Variants in GOLM2 observed in about 807,000 individuals in gnomAD.
GOLM2 encodes the protein protein GOLM2.
In GOLM2, 26 loss-of-function variants were observed where a neutral mutation model predicts 55.9. The ratio of observed to expected loss-of-function variants is 0.47; its 90% CI spans 0.34 to 0.65. GOLM2 has a LOEUF of 0.65. GOLM2 is among the 30% of genes least tolerant of loss of function. GOLM2 has a pLI of 0.01. For missense variants in GOLM2, 486 were observed against 531.8 expected (o/e 0.91, Z 0.85); for synonymous variants, 165 against 194.6 (o/e 0.85, Z 1.27).
At chr15:44,392,749 G>T (rs1355781978) in intron 8 of GOLM2, among the ~76,000 whole-genome samples, 1 of 152,070 alleles carries the variant, frequency 6.6e-6, no homozygotes, top group African/African-American at 2.4e-5. Flanking sequence ...TTTGAAAAGC[G>T]ATCTATGTAA....
intron 8 of GOLM2, among the ~76,000 whole-genome samples, chr15:44,391,413 A>G (rs1174142255): frequency 6.6e-6 from 1 of 151,848 alleles, no homozygotes; most frequent in Non-Finnish European, 1.5e-5. Flanking sequence ...GCTACTTGGG[A>G]GGCTGAGGCA....
chr15:44,297,450 C>T (rs2078763945), intron 1 of GOLM2, among the ~76,000 whole-genome samples: 1 of 152,164 alleles, frequency 6.6e-6, no homozygotes, highest in South Asian at 2.1e-4. Flanking sequence ...CTTTTGCCTT[C>T]CCACCTGCCT....
rs1372450284 is a variant in GOLM2, at chr15:44,413,994, A to G, written c.*588A>G. On this transcript the variant is annotated 3_prime_UTR_variant, in exon 10 of 10. Transcript: ENST00000299957. ...CCCAGCTAATTTTTGTATTTTTAAT[A>G]GAGAGCTAATAATTGTATATTTAAT... is the stretch of plus-strand genomic sequence containing the variant. The G allele has an allele frequency of 6.6e-6, 1 of 152,166 alleles. No homozygotes were observed. Among genetic ancestry groups the G allele is most frequent in the African/African-American group, 2.4e-5 (1 of 41,430 alleles). The allele number at this position is 152,166 out of a possible 1,614,324, so 9.4% of individuals were successfully genotyped here. A position where few individuals can be genotyped will look rare whatever the true frequency, so the allele number is the denominator to read the frequency against.
intron 1 of GOLM2, among the ~76,000 whole-genome samples, chr15:44,295,722 T>C (rs976162486): frequency 6.6e-6 from 1 of 152,210 alleles, no homozygotes; most frequent in African/African-American, 2.4e-5. Context: ...TCCCTCTGTA[T>C]GCACACATCC....
chr15:44,371,634 A>T (rs560380364), intron 6 of GOLM2, among the ~76,000 whole-genome samples: 1 of 152,202 alleles, frequency 6.6e-6, no homozygotes, highest in Non-Finnish European at 1.5e-5. Flanking sequence ...AGAATGATTA[A>T]TATTACTTCA....
At chr15:44,368,282 C>T (rs1381352381) in intron 6 of GOLM2, among the ~76,000 whole-genome samples, 2 of 150,764 alleles carry the variant, frequency 1.3e-5, no homozygotes, top group Non-Finnish European at 3.0e-5. Context: ...GGATTACAGG[C>T]ATGCACCACC....
intron 1 of GOLM2, among the ~76,000 whole-genome samples, chr15:44,291,339 C>T (rs554788297): frequency 9.3e-4 from 142 of 152,228 alleles, no homozygotes; most frequent in African/African-American, 3.2e-3. Context: ...GTGGGTGTCC[C>T]CTGTTCTCAG....
In GOLM2 at chr15:44,288,966, G is replaced by A. The variant is rs2078699881; in HGVS notation, c.-64G>A. The A allele has an allele frequency of 1.4e-6, 2 of 1,464,862 alleles. No individual in the cohort carries two copies. Among genetic ancestry groups the A allele is most frequent in the African/African-American group, 1.4e-5 (1 of 71,534 alleles). The allele number at this position is 1,464,862 out of a possible 1,614,324, so 90.7% of individuals were successfully genotyped here. On this transcript the variant is annotated 5_prime_UTR_variant, in exon 1 of 10. Coordinates refer to ENST00000299957, the MANE Select transcript of GOLM2 (RefSeq NM_138423.4). ...GTGTCCGCCGGGCAACTCCAGCCGAGGCCTGGGCTTCTGCCTGCAGGTGTC... is the reference window on the plus strand; with the variant it reads ...GTGTCCGCCGGGCAACTCCAGCCGAAGCCTGGGCTTCTGCCTGCAGGTGTC...
chr15:44,312,386 T>G (rs1315003140), intron 1 of GOLM2, among the ~76,000 whole-genome samples: 1 of 152,120 alleles, frequency 6.6e-6, no homozygotes, highest in Non-Finnish European at 1.5e-5. Flanking sequence ...TTCTCAAGCT[T>G]AGTAGGTGAT....
intron 1 of GOLM2, among the ~76,000 whole-genome samples, chr15:44,311,058 T>A (rs1402296446): frequency 1.3e-5 from 2 of 151,878 alleles, no homozygotes; most frequent in African/African-American, 4.8e-5. Flanking sequence ...AAAACAAACA[T>A]ACATACATAC....
intron 8 of GOLM2, among the ~76,000 whole-genome samples, chr15:44,401,684 T>A (rs191198734): frequency 6.6e-6 from 1 of 152,236 alleles, no homozygotes; most frequent in Non-Finnish European, 1.5e-5. Flanking sequence ...ACTTTTATGC[T>A]AAGTTAAACT....
At chr15:44,299,373 A>G (rs781328312) in intron 1 of GOLM2, among the ~76,000 whole-genome samples, 1 of 151,508 alleles carries the variant, frequency 6.6e-6, no homozygotes, top group Non-Finnish European at 1.5e-5. Flanking sequence ...GCTCACTGCA[A>G]CCTCCACCTC....
chr15:44,396,950 T>C (rs1336993916), intron 8 of GOLM2, among the ~76,000 whole-genome samples: 1 of 152,228 alleles, frequency 6.6e-6, no homozygotes, highest in Admixed American at 6.5e-5. Flanking sequence ...AGCTATATTG[T>C]TGCTGATAAT....
intron 6 of GOLM2, among the ~76,000 whole-genome samples, chr15:44,361,453 G>A (rs2079238229): frequency 6.6e-6 from 1 of 152,158 alleles, no homozygotes; most frequent in African/African-American, 2.4e-5. Context: ...TAGAAGAAAT[G>A]GATAAATTCC....
chr15:44,407,421 A>G (rs2141218512), intron 9 of GOLM2, among the ~76,000 whole-genome samples: 1 of 151,372 alleles, frequency 6.6e-6, no homozygotes, highest in African/African-American at 2.4e-5. Flanking sequence ...ATGCACCACC[A>G]CGGCTGGCTA....
intron 8 of GOLM2, among the ~76,000 whole-genome samples, chr15:44,386,647 G>T (rs2079445904): frequency 6.6e-6 from 1 of 152,158 alleles, no homozygotes; most frequent in Admixed American, 6.6e-5. Context: ...AAGGCAGGAG[G>T]ATCACATGAG....
chr15:44,362,035 A>T (rs1302756918), intron 6 of GOLM2, among the ~76,000 whole-genome samples: 1 of 152,040 alleles, frequency 6.6e-6, no homozygotes, highest in Non-Finnish European at 1.5e-5. Flanking sequence ...GTATTGATGG[A>T]ACATATCTCA....
intron 1 of GOLM2, among the ~76,000 whole-genome samples, chr15:44,300,626 G>C (rs1459598771): frequency 1.3e-5 from 2 of 152,206 alleles, no homozygotes; most frequent in Non-Finnish European, 2.9e-5. Context: ...AGTGTGGCAT[G>C]TAACATCTGT....
At position 44,288,973 on chromosome 15, in the gene GOLM2, G is replaced by C; in HGVS notation, c.-57G>C. 6.7e-7 allele frequency: 1 copy of C among 1,496,456 alleles called. No individual in the cohort carries two copies. The highest frequency in any genetic ancestry group is 1.8e-4 in the Middle Eastern group (1 of 5,476). The allele number at this position is 1,496,456 out of a possible 1,614,324, so 92.7% of individuals were successfully genotyped here. On this transcript the variant is annotated 5_prime_UTR_variant, in exon 1 of 10. Coordinates refer to ENST00000299957, the MANE Select transcript of GOLM2 (RefSeq NM_138423.4). ...CCGGGCAACTCCAGCCGAGGCCTGG[G>C]CTTCTGCCTGCAGGTGTCTGCGGCG...
Sources: gnomAD v4.1 joint callset for allele counts (sites outside exome capture counted in the v4.1 genomes callset) on GRCh38, gnomAD v4.1.1 for gene constraint, MANE v1.5 for transcripts, NCBI Gene and HGNC (gene_info 2026-07-23, HGNC 2026-07-21) for gene names.